IMMP2L: variants seen among roughly 807,000 people sequenced by gnomAD.
IMMP2L encodes mitochondrial inner membrane protease subunit 2.
IMMP2L carries 18 observed loss-of-function variants against 19.3 expected under a neutral mutation model. That is an observed-to-expected ratio of 0.93 (90% confidence interval 0.64 to 1.38). The LOEUF (loss-of-function observed/expected upper bound fraction) is 1.38. Ranked by LOEUF, IMMP2L falls within the 40% of genes most tolerant of loss-of-function variation. The probability of loss-of-function intolerance (pLI) is 0.00; values close to 1 mark genes in which losing one functional copy is unlikely to be tolerated. For synonymous variants in IMMP2L, 76 were observed against 73.0 expected (o/e 1.04, Z -0.21); for missense variants, 233 against 218.2 (o/e 1.07, Z -0.43).
intron 5 of IMMP2L, among the ~76,000 whole-genome samples, chr7:110,726,860 A>C (rs1795916424): frequency 6.6e-6 from 1 of 152,186 alleles, no homozygotes; most frequent in African/African-American, 2.4e-5. Context: ...TGGGGTTCAT[A>C]ATATGTGAGT....
At chr7:111,336,507 T>C (rs1202498343) in intron 3 of IMMP2L, among the ~76,000 whole-genome samples, 3 of 152,100 alleles carry the variant, frequency 2.0e-5, no homozygotes, top group African/African-American at 7.2e-5. Flanking sequence ...GGTGGATCTC[T>C]CAATACTATC....
At chr7:110,825,235 C>G (rs1308465290) in intron 5 of IMMP2L, among the ~76,000 whole-genome samples, 1 of 152,084 alleles carries the variant, frequency 6.6e-6, no homozygotes, top group Non-Finnish European at 1.5e-5. Flanking sequence ...TAGGAAGAAT[C>G]AATATCGTGA....
intron 3 of IMMP2L, among the ~76,000 whole-genome samples, chr7:111,347,531 G>A (rs1827694039): frequency 6.6e-6 from 1 of 151,962 alleles, no homozygotes; most frequent in South Asian, 2.1e-4. Context: ...AGAGAGAATG[G>A]ATAACCAGAG....
intron 4 of IMMP2L, among the ~76,000 whole-genome samples, chr7:110,923,592 A>C (rs1048353590): frequency 2.0e-5 from 3 of 152,218 alleles, no homozygotes; most frequent in African/African-American, 4.8e-5. Flanking sequence ...TATTAGTAGA[A>C]TATTTCAAAA....
At chr7:110,718,531 C>T (rs921506577) in intron 5 of IMMP2L, among the ~76,000 whole-genome samples, 1 of 152,096 alleles carries the variant, frequency 6.6e-6, no homozygotes, top group Admixed American at 6.6e-5. Flanking sequence ...CAGACTTAGT[C>T]TAAGGCTAGC....
At chr7:110,837,698 G>C (rs1804640548) in intron 5 of IMMP2L, among the ~76,000 whole-genome samples, 1 of 152,128 alleles carries the variant, frequency 6.6e-6, no homozygotes, top group Non-Finnish European at 1.5e-5. Context: ...AGCTACTTAA[G>C]AGAAAACCGA....
chr7:111,137,790 C>G (rs1802489202), intron 3 of IMMP2L, among the ~76,000 whole-genome samples: 1 of 152,098 alleles, frequency 6.6e-6, no homozygotes, highest in African/African-American at 2.4e-5. Context: ...AAATCTCATT[C>G]AGTTAAAGTA....
At chr7:111,556,035 T>C (rs192667691) in intron 1 of IMMP2L, among the ~76,000 whole-genome samples, 5 of 135,700 alleles carry the variant, frequency 3.7e-5, no homozygotes, top group African/African-American at 1.4e-4. Flanking sequence ...TATATATATA[T>C]ACATACCCAA....
chr7:111,136,583 C>A (rs1178904957), intron 3 of IMMP2L, among the ~76,000 whole-genome samples: 1 of 152,154 alleles, frequency 6.6e-6, no homozygotes, highest in Non-Finnish European at 1.5e-5. Context: ...TGATTCAAGT[C>A]ATTAAAGTCT....
At chr7:111,278,251 A>T (rs1819319831) in intron 3 of IMMP2L, among the ~76,000 whole-genome samples, 1 of 152,220 alleles carries the variant, frequency 6.6e-6, no homozygotes, top group Non-Finnish European at 1.5e-5. Flanking sequence ...AAAAGTTTTA[A>T]CATACACATT....
intron 3 of IMMP2L, among the ~76,000 whole-genome samples, chr7:110,997,830 A>G (rs1823204804): frequency 6.6e-6 from 1 of 152,142 alleles, no homozygotes; most frequent in South Asian, 2.1e-4. Flanking sequence ...GTGATTATAA[A>G]TAATGATCAG....
At chr7:111,117,903 G>A (rs60640964) in intron 3 of IMMP2L, among the ~76,000 whole-genome samples, 2,202 of 152,116 alleles carry the variant, frequency 0.014, 65 homozygotes, top group African/African-American at 0.051. Context: ...ACATAATAAA[G>A]TGCAAAGAAG....
intron 3 of IMMP2L, among the ~76,000 whole-genome samples, chr7:111,319,676 G>A (rs1044308745): frequency 7.2e-5 from 11 of 152,008 alleles, no homozygotes; most frequent in African/African-American, 2.4e-4. Flanking sequence ...ATTCTATAGC[G>A]ATAAGTTCTA....
intron 3 of IMMP2L, among the ~76,000 whole-genome samples, chr7:111,413,697 A>G (rs561981823): frequency 2.0e-5 from 3 of 151,844 alleles, no homozygotes; most frequent in African/African-American, 4.8e-5. Flanking sequence ...GTTGAAACAG[A>G]AAGTGTGCCA....
chr7:111,503,750 G>A (rs796712503), intron 2 of IMMP2L, among the ~76,000 whole-genome samples: 2 of 152,002 alleles, frequency 1.3e-5, no homozygotes, highest in Non-Finnish European at 2.9e-5. Context: ...TGCAGAAAAG[G>A]CCTTTGACAA....
At position 110,961,523 on chromosome 7, in the gene IMMP2L, C is replaced by T. The variant is rs112525169; in HGVS notation, c.305+1977G>A. 9.6e-3 allele frequency among the ~76,000 whole-genome samples: 1,434 copies of T among 150,030 alleles called. 24 individuals carry two copies. The highest frequency in any genetic ancestry group is 0.033 in the African/African-American group (1,350 of 40,872). Reference sequence around the variant, plus strand: ...CTTCAGTTGGTTGAAATCAGGGATACAGAACCCATGGATACAGAGGGCCAA... The same window carrying T: ...CTTCAGTTGGTTGAAATCAGGGATATAGAACCCATGGATACAGAGGGCCAA... On this transcript the variant is annotated intron_variant, in intron 4 of 5. Transcript: ENST00000405709.
chr7:111,013,008 A>G (rs1825127646), intron 3 of IMMP2L, among the ~76,000 whole-genome samples: 1 of 152,160 alleles, frequency 6.6e-6, no homozygotes, highest in Non-Finnish European at 1.5e-5. Flanking sequence ...ACATTGCACT[A>G]GGTACAAGAA....
At chr7:111,235,444 C>T (rs1448543167) in intron 3 of IMMP2L, among the ~76,000 whole-genome samples, 2 of 151,362 alleles carry the variant, frequency 1.3e-5, no homozygotes, top group African/African-American at 4.9e-5. Flanking sequence ...GCATTCCAGC[C>T]TGGGTAACAA....
intron 3 of IMMP2L, among the ~76,000 whole-genome samples, chr7:111,242,030 T>A (rs1377440123): frequency 6.6e-6 from 1 of 152,064 alleles, no homozygotes; most frequent in Admixed American, 6.6e-5. Context: ...TAGGTTTTCT[T>A]TCTAGATTAT....
Sources: gnomAD v4.1 joint callset for allele counts (sites outside exome capture counted in the v4.1 genomes callset) on GRCh38, gnomAD v4.1.1 for gene constraint, MANE v1.5 for transcripts, NCBI Gene and HGNC (gene_info 2026-07-23, HGNC 2026-07-21) for gene names.